The following RHOJ variants were observed in gnomAD, a reference collection of about 807,000 sequenced individuals.
RHOJ encodes rho-related GTP-binding protein RhoJ.
In RHOJ, 11 loss-of-function variants were observed where a neutral mutation model predicts 23.4. The observed-to-expected ratio is 0.47, with a 90% CI of 0.30 to 0.78. RHOJ has a LOEUF of 0.78. Among genes scored for constraint, RHOJ ranks in the 30% least tolerant of loss-of-function variants. The pLI is 0.08. For synonymous variants in RHOJ, 102 were observed against 102.7 expected (o/e 0.99, Z 0.04); for missense variants, 254 against 273.4 (o/e 0.93, Z 0.50).
At chr14:63,232,194 G>A (rs1158504120) in intron 1 of RHOJ, among the ~76,000 whole-genome samples, 3 of 152,052 alleles carry the variant, frequency 2.0e-5, no homozygotes, top group African/African-American at 7.2e-5. Context: ...AATCACAGCC[G>A]CCACCCTCAA....
At position 63,238,041 on chromosome 14, in the gene RHOJ, C is replaced by A. The variant is rs1271265611; in HGVS notation, c.179-31069C>A. Among the ~76,000 whole-genome samples the A allele has an allele frequency of 5.3e-5, 8 of 152,196 alleles. 1 individual carries two copies. Among genetic ancestry groups the A allele is most frequent in the Non-Finnish European group, 1.2e-4 (8 of 68,026 alleles). ...CTAGATTCACTCTAATGAGTTCATC[C>A]CTTGGCCTTGATTTCCACCAGCAGT... On this transcript the variant is annotated intron_variant, in intron 1 of 4. Coordinates refer to ENST00000316754, the MANE Select transcript of RHOJ (RefSeq NM_020663.5).
At chr14:63,284,179 G>A in intron 4 of RHOJ, 2 of 965,558 alleles carry the variant, frequency 2.1e-6, no homozygotes, top group Non-Finnish European at 2.5e-6. Context: ...AAAATTGTAT[G>A]CATTTATCTT....
intron 2 of RHOJ, among the ~76,000 whole-genome samples, chr14:63,274,610 G>A (rs1248408712): frequency 1.3e-5 from 2 of 152,126 alleles, no homozygotes; most frequent in African/African-American, 4.8e-5. Context: ...CTCTTTTACT[G>A]GATCATTAAA....
At chr14:63,264,977 G>C (rs1446584688) in intron 1 of RHOJ, among the ~76,000 whole-genome samples, 3 of 152,186 alleles carry the variant, frequency 2.0e-5, no homozygotes, top group Non-Finnish European at 2.9e-5. Context: ...TTACTCTGTT[G>C]ATAGTTTGTT....
rs150267470 is a variant in RHOJ, at chr14:63,287,691, A to C, written c.499-3187A>C. Among the ~76,000 whole-genome samples the C allele has an allele frequency of 1.4e-3, 211 of 152,130 alleles. 2 individuals are homozygous for C. The highest frequency in any genetic ancestry group is 2.3e-3 in the East Asian group (12 of 5,182). On this transcript the variant is annotated intron_variant, in intron 4 of 4. Transcript: ENST00000316754. ...AGATAATAAGTTTTAGCTATTATAA[A>C]ACAATAAGAAAAGTGTTTTTTCAGT...
At chr14:63,250,903 C>T (rs1895059399) in intron 1 of RHOJ, among the ~76,000 whole-genome samples, 2 of 152,070 alleles carry the variant, frequency 1.3e-5, no homozygotes, top group Admixed American at 6.6e-5. Flanking sequence ...GGCGTGATGG[C>T]AGGTGCCTGT....
chr14:63,223,542 T>G (rs963228426), intron 1 of RHOJ, among the ~76,000 whole-genome samples: 2 of 152,188 alleles, frequency 1.3e-5, no homozygotes, highest in Non-Finnish European at 2.9e-5. Flanking sequence ...TATGAAATAT[T>G]CATAGAGGCT....
chr14:63,282,800 G>T (rs1881952337), intron 3 of RHOJ, among the ~76,000 whole-genome samples: 1 of 151,978 alleles, frequency 6.6e-6, no homozygotes, highest in Admixed American at 6.6e-5. Flanking sequence ...TGGTTATCTT[G>T]CATGCCCTGT....
chr14:63,237,930 C>T (rs1288984255), intron 1 of RHOJ, among the ~76,000 whole-genome samples: 3 of 152,164 alleles, frequency 2.0e-5, no homozygotes, highest in South Asian at 2.1e-4. Flanking sequence ...TTGCCGCTTA[C>T]GCCTGGTTGT....
chr14:63,280,836 C>A, intron 2 of RHOJ, 135 bp from the exon 3 acceptor site: 1 of 736,024 alleles, frequency 1.4e-6, no homozygotes, highest in Non-Finnish European at 2.1e-6. Flanking sequence ...AGAGAAAGAA[C>A]TACCAGATTC....
At position 63,268,681 on chromosome 14, in the gene RHOJ, T is replaced by C. The variant is rs192691063; in HGVS notation, c.179-429T>C. ...GTTTTATAAATATTTCAAAGACAAATACAAGCAGAGAGATTTCTAATAGAC... is the reference window on the plus strand; with the variant it reads ...GTTTTATAAATATTTCAAAGACAAACACAAGCAGAGAGATTTCTAATAGAC... On this transcript the variant is annotated intron_variant, in intron 1 of 4. Transcript: ENST00000316754. Among the ~76,000 whole-genome samples the C allele has an allele frequency of 9.3e-4, 142 of 152,256 alleles. 1 individual carries two copies. Among genetic ancestry groups the C allele is most frequent in the Non-Finnish European group, 1.7e-3 (115 of 68,004 alleles).
intron 1 of RHOJ, among the ~76,000 whole-genome samples, chr14:63,212,442 C>G (rs1026467458): frequency 3.3e-5 from 5 of 152,158 alleles, no homozygotes; most frequent in African/African-American, 1.2e-4. Context: ...TGCATTCTGG[C>G]ACTGCAACTG....
At chr14:63,220,769 T>G (rs1476571171) in intron 1 of RHOJ, among the ~76,000 whole-genome samples, 1 of 152,196 alleles carries the variant, frequency 6.6e-6, no homozygotes, top group East Asian at 1.9e-4. Flanking sequence ...CTGGATATTC[T>G]TAGAAAAGAT....
intron 1 of RHOJ, among the ~76,000 whole-genome samples, chr14:63,207,917 A>G (rs1051505940): frequency 3.9e-5 from 6 of 152,160 alleles, no homozygotes; most frequent in African/African-American, 1.4e-4. Flanking sequence ...TATTAAGAAT[A>G]CAGTCTCGAT....
intron 3 of RHOJ, among the ~76,000 whole-genome samples, chr14:63,281,908 C>A (rs574031329): frequency 6.6e-6 from 1 of 152,160 alleles, no homozygotes; most frequent in Admixed American, 6.5e-5. Context: ...CTGTTTCATA[C>A]GCTATTTCTT....
intron 1 of RHOJ, among the ~76,000 whole-genome samples, chr14:63,251,874 A>T (rs1566619090): frequency 6.6e-6 from 1 of 152,170 alleles, no homozygotes; most frequent in Non-Finnish European, 1.5e-5. Context: ...TAATCCCAGC[A>T]CTTTGGGAGG....
chr14:63,240,050 T>C (rs1484195065), intron 1 of RHOJ, among the ~76,000 whole-genome samples: 2 of 152,228 alleles, frequency 1.3e-5, no homozygotes, highest in African/African-American at 4.8e-5. Flanking sequence ...TTTCACATGG[T>C]AAATACTCTG....
intron 3 of RHOJ, among the ~76,000 whole-genome samples, chr14:63,281,696 G>T (rs186637900): frequency 6.6e-6 from 1 of 152,140 alleles, no homozygotes; most frequent in East Asian, 1.9e-4. Flanking sequence ...ACAAACCTAC[G>T]ACTGTGAAAG....
At chr14:63,251,887 GA>G (rs1425232737) in intron 1 of RHOJ, among the ~76,000 whole-genome samples, 82 of 152,150 alleles carry the variant, frequency 5.4e-4, no homozygotes, top group Non-Finnish European at 9.9e-4. Flanking sequence ...TTGGGAGGCC[GA>G]GGCAGGCTGA....
Sources: gnomAD v4.1 joint callset for allele counts (sites outside exome capture counted in the v4.1 genomes callset) on GRCh38, gnomAD v4.1.1 for gene constraint, MANE v1.5 for transcripts, NCBI Gene and HGNC (gene_info 2026-07-23, HGNC 2026-07-21) for gene names.